The following CDK18 variants were observed in gnomAD, a reference collection of about 807,000 sequenced individuals.
CDK18 encodes cyclin dependent kinase 18.
Under a neutral mutation model 62.0 loss-of-function variants are expected in CDK18, and 52 were observed. The observed-to-expected ratio is 0.84, with a 90% CI of 0.67 to 1.06. The LOEUF is 1.06. Ranked by LOEUF, CDK18 falls within the 50% of genes least tolerant of loss-of-function variation. The probability of loss-of-function intolerance (pLI) is 0.00; values close to 1 mark genes in which losing one functional copy is unlikely to be tolerated. For synonymous variants in CDK18, 237 were observed against 247.0 expected (o/e 0.96, Z 0.38); for missense variants, 604 against 619.9 (o/e 0.97, Z 0.27).
Position 205,529,400 on chromosome 1 carries a change from C to G in CDK18, c.1149C>G (p.Leu383=). ...GCACCTACAGCTTCCCCTGCTACCT[C>G]CCGCAGCCGCTCATCAACCACGCGC... is the stretch of plus-strand genomic sequence containing the variant. ...EFRTYSFPCY[L]PQPLINHAPR... Residue 383 remains leucine (L), a synonymous_variant, in exon 12 of 16, where the codon CTC becomes CTG. Transcript: ENST00000429964. 1 of 1,614,062 alleles carries G rather than the reference C, an allele frequency of 6.2e-7. No homozygotes were observed. The highest frequency in any genetic ancestry group is 8.5e-7 in the Non-Finnish European group (1 of 1,179,960).
chr1:205,531,656 T>G lies in CDK18; in HGVS notation c.*278T>G. 2.2e-6 allele frequency: 1 copy of G among 446,228 alleles called. No homozygotes were observed. Among genetic ancestry groups the G allele is most frequent in the Non-Finnish European group, 4.2e-6 (1 of 240,538 alleles). 27.6% of individuals were successfully genotyped at this position (446,228 alleles called of 1,614,324 possible). On this transcript the variant is annotated 3_prime_UTR_variant, in exon 16 of 16. Transcript: ENST00000429964. ...GGACATGAGGGGGGGGCGGTCCTCGTACCCTCTCCCACCCTGGTGTTTGGG... is the reference window on the plus strand; with the variant it reads ...GGACATGAGGGGGGGGCGGTCCTCGGACCCTCTCCCACCCTGGTGTTTGGG...
intron 1 of CDK18, among the ~76,000 whole-genome samples, chr1:205,514,646 G>T (rs1014098440): frequency 1.3e-5 from 2 of 152,198 alleles, no homozygotes; most frequent in Non-Finnish European, 2.9e-5. Context: ...TTCCATATCT[G>T]TAGAGGAAAG....
Position 205,529,772 on chromosome 1 carries a change from A to G in CDK18, c.1221+209A>G, listed in dbSNP as rs1668646101. On this transcript the variant is annotated intron_variant, in intron 13 of 15. Transcript: ENST00000429964. ...CACTGCGAGCCCAAACCCGTTACTT[A>G]GCTGTGTAGCTCTGGGCAAGTTACA... is the stretch of plus-strand genomic sequence containing the variant. 4.6e-6 allele frequency: 7 copies of G among 1,511,380 alleles called. No individual in the cohort carries two copies. The East Asian group carries it at 1.7e-4, about 37-fold the overall frequency. The allele number at this position is 1,511,380 out of a possible 1,614,324, so 93.6% of individuals were successfully genotyped here. A position where few individuals can be genotyped will look rare whatever the true frequency, so the allele number is the denominator to read the frequency against.
intron 1 of CDK18, among the ~76,000 whole-genome samples, chr1:205,509,158 G>A (rs933830065): frequency 4.0e-4 from 61 of 152,104 alleles, no homozygotes; most frequent in African/African-American, 1.5e-3. Context: ...ACAAAAAACG[G>A]GTCTTGAAGC....
intron 1 of CDK18, among the ~76,000 whole-genome samples, chr1:205,511,122 G>A (rs34552280): frequency 0.14 from 20,799 of 152,304 alleles, 1,535 homozygotes; most frequent in Middle Eastern, 0.26. Flanking sequence ...GCCAAGTCCC[G>A]ACAGTTTTTG....
In CDK18 at chr1:205,528,131, C is replaced by G. The variant is rs1253842194; in HGVS notation, c.937C>G (p.Leu313Val). The G allele has an allele frequency of 1.2e-6, 2 of 1,614,028 alleles. No individual in the cohort carries two copies. The highest frequency in any genetic ancestry group is 1.7e-6 in the Non-Finnish European group (2 of 1,180,012). The change falls in exon 10 of 16, where the codon CTG becomes GTG. Residue 313 changes from leucine to valine, a missense_variant. Coordinates refer to ENST00000429964, the MANE Select transcript of CDK18 (RefSeq NM_212502.3). This position sits in a 1 kb window ranked among gnomAD's most constrained non-coding sequence, Gnocchi z 4.2. ...TLWYRPPDVL[L>V]GSTEYSTPID... ...GTGGTACAGGCCCCCCGATGTGCTGCTGGGATCCACAGAGTACTCCACCCC... is the reference window on the plus strand; with the variant it reads ...GTGGTACAGGCCCCCCGATGTGCTGGTGGGATCCACAGAGTACTCCACCCC...
chr1:205,510,836 A>C (rs1667534356), intron 1 of CDK18, among the ~76,000 whole-genome samples: 1 of 152,194 alleles, frequency 6.6e-6, no homozygotes, highest in South Asian at 2.1e-4. Flanking sequence ...TGAGGCTCCG[A>C]CTTTTGCCTG....
At chr1:205,529,191 C>T (rs547474370) in intron 11 of CDK18, 95 bp downstream of exon 11, 3 of 1,349,600 alleles carry the variant, frequency 2.2e-6, no homozygotes, top group African/African-American at 1.5e-5. Context: ...GCGGCTCGGC[C>T]GCCTCTCTCC....
In CDK18 at chr1:205,523,307, C is replaced by T. The variant is rs1440263649; in HGVS notation, c.130+10C>T. ...AACCGGCGGAATGAGAGTGAGGGGT[C>T]TGGGCCCACCCAGCACCTCTCCCAC... is the stretch of plus-strand genomic sequence containing the variant. On this transcript the variant is annotated intron_variant, in intron 2 of 15. Transcript: ENST00000429964. 1 of 1,613,902 alleles carries T rather than the reference C, an allele frequency of 6.2e-7. No individual in the cohort carries two copies. Among genetic ancestry groups the T allele is most frequent in the African/African-American group, 1.3e-5 (1 of 74,910 alleles).
Position 205,526,059 on chromosome 1 carries a change from TC to T in CDK18, c.457-3del. On this transcript the variant is annotated splice_polypyrimidine_tract_variant and splice_region_variant and intron_variant, in intron 5 of 15. Coordinates refer to ENST00000429964, the MANE Select transcript of CDK18 (RefSeq NM_212502.3). ...CGCCTGGGGCCGCTGTGGCCCTCCATCCCAGGGCACCTATGCCACAGTCTTC... is the reference window on the plus strand; with the variant it reads ...CGCCTGGGGCCGCTGTGGCCCTCCATCCAGGGCACCTATGCCACAGTCTTC... 1 of 1,605,838 alleles carries T rather than the reference TC, an allele frequency of 6.2e-7. No homozygotes were observed. The highest frequency in any genetic ancestry group is 8.5e-7 in the Non-Finnish European group (1 of 1,174,510).
chr1:205,530,894 C>A (rs114114637), intron 15 of CDK18, among the ~76,000 whole-genome samples, 189 bp downstream of exon 15: 3,761 of 152,328 alleles, frequency 0.025, 88 homozygotes, highest in Admixed American at 0.066. Context: ...CAACCCTCCA[C>A]CCCAGACAGG....
chr1:205,522,971 G>C, intron 1 of CDK18, 176 bp from the exon 2 acceptor site: 1 of 619,256 alleles, frequency 1.6e-6, no homozygotes, highest in East Asian at 2.9e-5. Context: ...GGGAAGAAGA[G>C]GGTGAACACC....
intron 15 of CDK18, 84 bp from the exon 16 acceptor site, chr1:205,531,260 G>T: frequency 1.6e-6 from 2 of 1,269,008 alleles, no homozygotes. Context: ...AGCAGCTCTG[G>T]GGGACAGCGA....
chr1:205,510,079 CAA>C (rs200884428), intron 1 of CDK18, among the ~76,000 whole-genome samples: 19 of 131,826 alleles, frequency 1.4e-4, no homozygotes, highest in East Asian at 4.4e-4. Context: ...GACTTTGTCT[CAA>C]AAAAAAAAAA....
At chr1:205,530,551 T>A in intron 14 of CDK18, 77 bp from the exon 15 acceptor site, 1 of 1,363,020 alleles carries the variant, frequency 7.3e-7, no homozygotes, top group Non-Finnish European at 1.0e-6. Flanking sequence ...GAGGGCTCAG[T>A]TGGTCCTTCT....
Position 205,528,023 on chromosome 1 carries a change from G to A in CDK18, c.854-25G>A. Reference sequence around the variant, plus strand: ...CAACCCCACAGCACCTGTGGACAGAGGTCCAGTGACATGTCTGCCCCCAGG... The same window carrying A: ...CAACCCCACAGCACCTGTGGACAGAAGTCCAGTGACATGTCTGCCCCCAGG... On this transcript the variant is annotated intron_variant, in intron 9 of 15. Transcript: ENST00000429964. The surrounding 1 kb of genome is among the most constrained non-coding windows in gnomAD (Gnocchi z 4.2). 1 of 1,614,044 alleles carries A rather than the reference G, an allele frequency of 6.2e-7. No homozygotes were observed. The highest frequency in any genetic ancestry group is 1.7e-5 in the Admixed American group (1 of 60,018).
rs1323610994 is a variant in CDK18, at chr1:205,529,440, C to G, written c.1178+11C>G. ...CAACCACGCGCCCAGGTAGCCCCTG[C>G]GCCCGCCGCCCCTCCTGCTGCGGCC... On this transcript the variant is annotated intron_variant, in intron 12 of 15. Coordinates refer to ENST00000429964, the MANE Select transcript of CDK18 (RefSeq NM_212502.3). The G allele has an allele frequency of 6.2e-7, 1 of 1,611,788 alleles. No individual in the cohort carries two copies. Among genetic ancestry groups the G allele is most frequent in the Admixed American group, 1.7e-5 (1 of 59,874 alleles).
chr1:205,529,914 T>G, intron 13 of CDK18: 1 of 1,380,806 alleles, frequency 7.2e-7, no homozygotes, highest in East Asian at 2.8e-5. Context: ...GCCTGTCTTG[T>G]AAGGCACACG....
Position 205,504,746 on chromosome 1 carries a change from G to GC in CDK18, c.-68dup, listed in dbSNP as rs1216221301. ...TCACCTTTCCGGAGCAGGGGAAGCT[G>GC]CCCCGTGCCCGGGAGGGAGCGGGCG... On this transcript the variant is annotated 5_prime_UTR_variant, in exon 1 of 16. Coordinates refer to ENST00000429964, the MANE Select transcript of CDK18 (RefSeq NM_212502.3). The GC allele has an allele frequency of 3.3e-5, 5 of 152,394 alleles. No homozygotes were observed. The highest frequency in any genetic ancestry group is 1.2e-4 in the African/African-American group (5 of 41,582). 9.4% of individuals were successfully genotyped at this position (152,394 alleles called of 1,614,324 possible). A position where few individuals can be genotyped will look rare whatever the true frequency, so the allele number is the denominator to read the frequency against.
Sources: gnomAD v4.1 joint callset for allele counts (sites outside exome capture counted in the v4.1 genomes callset) on GRCh38, gnomAD v4.1.1 for gene constraint, Gnocchi (gnomAD v3.1) non-coding constraint, MANE v1.5 for transcripts, NCBI Gene and HGNC (gene_info 2026-07-23, HGNC 2026-07-21) for gene names.